ZC3H12B: variants seen among roughly 807,000 people sequenced by gnomAD.
The protein encoded by ZC3H12B is probable ribonuclease ZC3H12B.
ZC3H12B carries 7 observed loss-of-function variants against 43.9 expected under a neutral mutation model. The ratio of observed to expected loss-of-function variants is 0.16; its 90% CI spans 0.09 to 0.30. The LOEUF is 0.30. Ranked by LOEUF, ZC3H12B falls within the 10% of genes least tolerant of loss-of-function variation. The pLI, the probability that ZC3H12B is intolerant of heterozygous loss-of-function variation, is 1.00. For synonymous variants in ZC3H12B, 222 were observed against 241.7 expected (o/e 0.92, Z 0.76); for missense variants, 475 against 670.2 (o/e 0.71, Z 3.22).
At chrX:65,189,276 T>C in the ZC3H12B span, among the ~76,000 whole-genome samples, 19 of 98,244 alleles carry the variant, frequency 1.9e-4, no homozygotes, top group Non-Finnish European at 3.6e-4. Context: ...TGTGTCTTTA[T>C]AGCAGCATGA....
Position 65,396,185 on chromosome X carries a change from G to T in ZC3H12B, n.296-2408G>T, listed in dbSNP as rs1174411980. ...GTTTTTCATGTCTCTATCTTCTTCAGTTCCACTCTGATCTTAGTTATTTCT... is the reference window on the plus strand; with the variant it reads ...GTTTTTCATGTCTCTATCTTCTTCATTTCCACTCTGATCTTAGTTATTTCT... On this transcript the variant is annotated intron_variant and non_coding_transcript_variant, in intron 2 of 5. Transcript: ENST00000617377. Among the ~76,000 whole-genome samples, 3 of 111,385 alleles carry T rather than the reference G, an allele frequency of 2.7e-5. No homozygotes were observed. In the East Asian group the frequency reaches 8.4e-4, roughly 31 times the overall value.
At chrX:65,298,190 AC>A in the ZC3H12B span, among the ~76,000 whole-genome samples, 7 of 112,172 alleles carry the variant, frequency 6.2e-5, no homozygotes, top group Non-Finnish European at 1.3e-4. Context: ...AGCAAAAGAA[AC>A]AATAAGCGGA....
chrX:65,125,201 C>A, the ZC3H12B span, among the ~76,000 whole-genome samples: 1 of 111,331 alleles, frequency 9.0e-6, no homozygotes, highest in Admixed American at 9.6e-5. Context: ...TCATTCAGTT[C>A]AAAGAATTTT....
intron 3 of ZC3H12B, among the ~76,000 whole-genome samples, chrX:65,461,473 C>T (rs762587743): frequency 2.7e-5 from 3 of 112,181 alleles, no homozygotes; most frequent in African/African-American, 9.7e-5. Context: ...CAATGATAGA[C>T]GGGATTAAGC....
the ZC3H12B span, among the ~76,000 whole-genome samples, chrX:65,283,489 G>C: frequency 9.0e-6 from 1 of 111,387 alleles, no homozygotes; most frequent in South Asian, 3.7e-4. Context: ...TCAGGCAAGA[G>C]AAAGAAATAA....
At chrX:65,418,150 A>T (rs1247520020) in intron 3 of ZC3H12B, among the ~76,000 whole-genome samples, 3 of 111,999 alleles carry the variant, frequency 2.7e-5, no homozygotes, top group Admixed American at 9.5e-5. Flanking sequence ...TCAAAAGATT[A>T]AAAATATATA....
chrX:65,211,863 A>G, the ZC3H12B span, among the ~76,000 whole-genome samples: 2 of 78,177 alleles, frequency 2.6e-5, no homozygotes, highest in East Asian at 7.6e-4. Context: ...TATGTATACT[A>G]TATAATATAT....
chrX:65,442,109 T>C (rs1428328686), intron 3 of ZC3H12B, among the ~76,000 whole-genome samples: 1 of 107,285 alleles, frequency 9.3e-6, no homozygotes, highest in Non-Finnish European at 1.9e-5. Flanking sequence ...CTCCAGGAAA[T>C]GGAGTATTTC....
chrX:65,236,822 A>G, the ZC3H12B span, among the ~76,000 whole-genome samples: 26,828 of 111,045 alleles, frequency 0.24, 7,710 homozygotes, highest in African/African-American at 0.83. Flanking sequence ...CCCATTGCTC[A>G]TTTTCGTCAG....
chrX:65,449,159 T>C (rs930010747), intron 3 of ZC3H12B, among the ~76,000 whole-genome samples: 1 of 108,694 alleles, frequency 9.2e-6, no homozygotes, highest in African/African-American at 3.4e-5. Context: ...TCAGAGAGGG[T>C]AGGGTGAGGA....
chrX:65,195,406 G>C, the ZC3H12B span, among the ~76,000 whole-genome samples: 1 of 111,483 alleles, frequency 9.0e-6, no homozygotes, highest in East Asian at 2.8e-4. Flanking sequence ...TGACAAATTG[G>C]CACTGATTGT....
the ZC3H12B span, among the ~76,000 whole-genome samples, chrX:65,124,717 G>A: frequency 9.0e-6 from 1 of 110,711 alleles, no homozygotes; most frequent in East Asian, 2.8e-4. Context: ...ATCTAGGAGG[G>A]TTGTGTATTT....
the ZC3H12B span, among the ~76,000 whole-genome samples, chrX:65,115,389 A>ATT: frequency 1.6e-4 from 17 of 105,494 alleles, no homozygotes; most frequent in Non-Finnish European, 2.2e-4. Context: ...TATTTCATTC[A>ATT]TTTTTTTTTT....
chrX:65,213,081 A>C, the ZC3H12B span, among the ~76,000 whole-genome samples: 26 of 108,637 alleles, frequency 2.4e-4, no homozygotes, highest in Non-Finnish European at 4.6e-4. Flanking sequence ...CTATTCTGAT[A>C]TATACTGTAT....
chrX:65,243,687 C>G, the ZC3H12B span, among the ~76,000 whole-genome samples: 1 of 112,274 alleles, frequency 8.9e-6, no homozygotes, highest in Non-Finnish European at 1.9e-5. Flanking sequence ...TATTGCAGCA[C>G]TTTTCACAAT....
At chrX:65,039,849 A>G in the ZC3H12B span, among the ~76,000 whole-genome samples, 2 of 111,370 alleles carry the variant, frequency 1.8e-5, no homozygotes, top group African/African-American at 6.5e-5. Context: ...TCTTTACCCT[A>G]GGAGGTAAAA....
intron 2 of ZC3H12B, among the ~76,000 whole-genome samples, chrX:65,398,380 C>T (rs1308574522): frequency 8.9e-6 from 1 of 112,040 alleles, no homozygotes; most frequent in African/African-American, 3.2e-5. Context: ...TACTACAGAA[C>T]TATAGTGATA....
Position 65,366,776 on chromosome X carries a change from A to T in ZC3H12B, n.125+14A>T, listed in dbSNP as rs2066180109. The T allele has an allele frequency of 8.9e-6, 1 of 112,108 alleles. No individual in the cohort carries two copies. The highest frequency in any genetic ancestry group is 1.9e-5 in the Non-Finnish European group (1 of 53,222). 9.2% of individuals were successfully genotyped at this position (112,108 alleles called of 1,213,427 possible). On this transcript the variant is annotated intron_variant and non_coding_transcript_variant, in intron 1 of 5. Transcript: ENST00000617377. ...TTACACAGGAAGGTAGGTGAGTAGA[A>T]GCTCCTCTAGGATACATATCTACAT...
the ZC3H12B span, among the ~76,000 whole-genome samples, chrX:65,039,252 T>A: frequency 7.1e-5 from 8 of 111,946 alleles, no homozygotes; most frequent in Non-Finnish European, 1.3e-4. Flanking sequence ...CCTTGTAGTC[T>A]GACTCATTCG....
Sources: gnomAD v4.1 joint callset for allele counts (sites outside exome capture counted in the v4.1 genomes callset) on GRCh38, gnomAD v4.1.1 for gene constraint, MANE v1.5 for transcripts, NCBI Gene and HGNC (gene_info 2026-07-23, HGNC 2026-07-21) for gene names.